NAV2: variants seen among roughly 807,000 people sequenced by gnomAD.
NAV2 encodes helicase, APC down-regulated 1.
A neutral mutation model predicts 223.2 loss-of-function variants in NAV2; 54 were observed. The observed-to-expected ratio is 0.24, with a 90% CI of 0.19 to 0.30. The LOEUF (loss-of-function observed/expected upper bound fraction) is 0.30, where lower values mean the gene tolerates loss of function less well. Ranked by LOEUF, NAV2 falls within the 10% of genes least tolerant of loss-of-function variation. The pLI, the probability that NAV2 is intolerant of heterozygous loss-of-function variation, is 1.00. For missense variants in NAV2, 2,806 were observed against 3,147.5 expected, an observed-to-expected ratio of 0.89 and a Z score of 2.60; for synonymous variants, 1,279 against 1,239.3, an observed-to-expected ratio of 1.03 and a Z score of -0.67.
intron 1 of NAV2, chr11:19,503,830 A>T (rs1285068851): frequency 1.3e-5 from 2 of 152,210 alleles, no homozygotes; most frequent in Admixed American, 6.5e-5. Flanking sequence ...AATGGCTGGA[A>T]ATTAAAAATT....
intron 1 of NAV2, among the ~76,000 whole-genome samples, chr11:19,741,196 A>G (rs1213688278): frequency 1.3e-5 from 2 of 152,256 alleles, no homozygotes; most frequent in Admixed American, 6.5e-5. Flanking sequence ...ATACTTGTAC[A>G]TAGTGAAATG....
At chr11:19,665,313 C>T (rs1048231494) in intron 1 of NAV2, among the ~76,000 whole-genome samples, 3 of 152,216 alleles carry the variant, frequency 2.0e-5, no homozygotes, top group East Asian at 3.8e-4. Flanking sequence ...GTTCTCTGGA[C>T]CAGTGCTCCT....
intron 30 of NAV2, among the ~76,000 whole-genome samples, chr11:20,096,596 T>C (rs1157263292): frequency 2.6e-5 from 4 of 152,194 alleles, no homozygotes; most frequent in Admixed American, 2.6e-4. Context: ...GTTGGTCCAG[T>C]TTAGTTGGTC....
At chr11:19,382,522 A>C (rs1159122279) in intron 1 of NAV2, among the ~76,000 whole-genome samples, 1 of 152,210 alleles carries the variant, frequency 6.6e-6, no homozygotes, top group Non-Finnish European at 1.5e-5. Context: ...TGCTTTCCAC[A>C]CATGACTTTG....
At chr11:19,630,258 G>A (rs907697400) in intron 1 of NAV2, among the ~76,000 whole-genome samples, 2 of 152,108 alleles carry the variant, frequency 1.3e-5, no homozygotes, top group African/African-American at 4.8e-5. Context: ...CCTACATAAA[G>A]CCTACCTGGC....
intron 25 of NAV2, among the ~76,000 whole-genome samples, chr11:20,082,149 C>T (rs146014713): frequency 6.6e-5 from 10 of 152,294 alleles, no homozygotes; most frequent in African/African-American, 2.4e-4. Context: ...ATAGCTGAAA[C>T]TCCTAAGTGG....
chr11:19,555,009 T>C (rs1185907456), intron 1 of NAV2, among the ~76,000 whole-genome samples: 1 of 24,664 alleles, frequency 4.1e-5, no homozygotes, highest in Non-Finnish European at 8.3e-5. Context: ...ATACCATGTT[T>C]TGCAAAAAAA....
At chr11:19,668,544 A>G (rs1477781074) in intron 1 of NAV2, among the ~76,000 whole-genome samples, 1 of 151,396 alleles carries the variant, frequency 6.6e-6, no homozygotes, top group African/African-American at 2.4e-5. Context: ...AAAAAAAAAA[A>G]AAAAAAAAAA....
In NAV2 at chr11:19,587,895, A is replaced by G. The variant is rs118042855; in HGVS notation, c.75+236868A>G. ...CCAGTGGATAGCTCTTCTCCACCCA[A>G]TGATTCAGGAATCCAGCCTTGAGGC... On this transcript the variant is annotated intron_variant, in intron 1 of 37. Coordinates refer to the NAV2 transcript ENST00000360655. 7.8e-3 allele frequency among the ~76,000 whole-genome samples: 1,194 copies of G among 152,324 alleles called. 11 individuals are homozygous for G. Among genetic ancestry groups the G allele is most frequent in the South Asian group, 0.033 (160 of 4,828 alleles).
intron 7 of NAV2, among the ~76,000 whole-genome samples, chr11:19,937,049 A>T (rs1161821550): frequency 6.6e-6 from 1 of 152,234 alleles, no homozygotes; most frequent in African/African-American, 2.4e-5. Context: ...GAGGCATGAG[A>T]ATCCCTTGAA....
intron 1 of NAV2, among the ~76,000 whole-genome samples, chr11:19,596,517 T>C (rs1236751871): frequency 6.6e-6 from 1 of 152,180 alleles, no homozygotes; most frequent in Non-Finnish European, 1.5e-5. Flanking sequence ...ACGCAGTTCA[T>C]TACAAGCTGG....
intron 1 of NAV2, among the ~76,000 whole-genome samples, chr11:19,756,169 G>T (rs1895727): frequency 1.3e-5 from 2 of 151,736 alleles, no homozygotes; most frequent in Non-Finnish European, 1.5e-5. Flanking sequence ...TGAATCTGTG[G>T]GTTGGTTACG....
At chr11:19,618,341 G>A (rs982062513) in intron 1 of NAV2, among the ~76,000 whole-genome samples, 13 of 151,672 alleles carry the variant, frequency 8.6e-5, no homozygotes, top group Non-Finnish European at 1.9e-4. Flanking sequence ...TGGATGGATT[G>A]CTTGATGGAT....
intron 1 of NAV2, among the ~76,000 whole-genome samples, chr11:19,630,988 C>T (rs1442200502): frequency 2.3e-5 from 3 of 132,806 alleles, no homozygotes; most frequent in African/African-American, 8.5e-5. Context: ...TTTGGTAAAA[C>T]ACCAGTTTAA....
intron 1 of NAV2, among the ~76,000 whole-genome samples, chr11:19,613,907 A>G (rs17599506): frequency 0.3 from 45,054 of 152,136 alleles, 8,269 homozygotes; most frequent in Middle Eastern, 0.5. Context: ...TAAAACCTAA[A>G]TTGCCTCATC....
chr11:19,574,922 TGG>T (rs918141293), intron 1 of NAV2, among the ~76,000 whole-genome samples: 2 of 152,112 alleles, frequency 1.3e-5, no homozygotes, highest in African/African-American at 4.8e-5. Flanking sequence ...CATACTCAAT[TGG>T]GCGAAGGGGT....
intron 1 of NAV2, among the ~76,000 whole-genome samples, chr11:19,755,036 G>A (rs1451990555): frequency 6.6e-6 from 1 of 152,158 alleles, no homozygotes; most frequent in Non-Finnish European, 1.5e-5. Context: ...TTAATCGACA[G>A]GATCAATGAT....
At chr11:19,360,517 A>G (rs1244103248) in intron 1 of NAV2, among the ~76,000 whole-genome samples, 1 of 152,222 alleles carries the variant, frequency 6.6e-6, no homozygotes, top group Non-Finnish European at 1.5e-5. Flanking sequence ...AAGTGTCAGA[A>G]ATATATATTT....
chr11:19,645,747 A>G (rs896441138), intron 1 of NAV2, among the ~76,000 whole-genome samples: 5 of 152,056 alleles, frequency 3.3e-5, no homozygotes, highest in Non-Finnish European at 5.9e-5. Flanking sequence ...GTTTTTTGCC[A>G]TTACTTTTAA....
Sources: allele counts gnomAD v4.1 joint callset (sites outside exome capture counted in the v4.1 genomes callset), GRCh38; gene constraint gnomAD v4.1.1; transcripts MANE v1.5; gene names NCBI Gene and HGNC (gene_info 2026-07-23, HGNC 2026-07-21).